The following ZNF467 variants were observed in gnomAD, a reference collection of about 807,000 sequenced individuals.
ZNF467 encodes the protein zinc finger protein EZI.
In ZNF467, 51 loss-of-function variants were observed where a neutral mutation model predicts 47.8. That is an observed-to-expected ratio of 1.07 (90% CI 0.85 to 1.35). The LOEUF (loss-of-function observed/expected upper bound fraction) is 1.35, where lower values mean the gene tolerates loss of function less well. Among genes scored for constraint, ZNF467 ranks in the 40% most tolerant of loss-of-function variants. The pLI is 0.00. For missense variants in ZNF467, 992 were observed against 858.1 expected (o/e 1.16, Z -1.95); for synonymous variants, 416 against 372.9 (o/e 1.12, Z -1.33).
Position 149,765,907 on chromosome 7 carries a change from G to C in ZNF467, c.595C>G (p.Gln199Glu). 1.3e-6 allele frequency: 2 copies of C among 1,566,060 alleles called. No individual in the cohort carries two copies. Among genetic ancestry groups the C allele is most frequent in the Non-Finnish European group, 1.7e-6 (2 of 1,156,482 alleles). ...ACPDCGRSFT[Q>E]RAHMLLHQRS... The stretch of plus-strand genomic sequence containing the variant: ...TGATGCAGTAGCATGTGGGCGCGCT[G>C]CGTGAAGCTGCGGCCGCAGTCCGGG... Residue 199 changes from glutamine (Q) to glutamate (E), a missense_variant, in exon 5 of 5, where the codon CAG becomes GAG. Coordinates refer to ENST00000302017, the MANE Select transcript of ZNF467 (RefSeq NM_207336.3).
chr7:149,764,800 C>A lies in ZNF467; in HGVS notation c.1702G>T (p.Ala568Ser). The A allele has an allele frequency of 2.6e-6, 4 of 1,527,080 alleles. No homozygotes were observed. The highest frequency in any genetic ancestry group is 3.5e-6 in the Non-Finnish European group (4 of 1,138,604). 94.6% of individuals were successfully genotyped at this position (1,527,080 alleles called of 1,614,324 possible). A position where few individuals can be genotyped will look rare whatever the true frequency, so the allele number is the denominator to read the frequency against. ...GCGGCGTCCGGGGCCGCGTGGGCGG[C>A]TTCGCCGTGAATGAGCTGGTGCCGC... ...LVRHQLIHGEAAHAAPDAALA... is the reference protein window; with the variant it reads ...LVRHQLIHGESAHAAPDAALA... Residue 568 changes from alanine to serine, a missense_variant, in exon 5 of 5, where the codon GCC becomes TCC. Transcript: ENST00000302017.
chr7:149,775,681 T>G (rs992636071), upstream of ZNF467, among the ~76,000 whole-genome samples: 2 of 150,022 alleles, frequency 1.3e-5, no homozygotes, highest in Non-Finnish European at 3.0e-5. Flanking sequence ...CCATGTTAAT[T>G]TGTGGTAGTG....
At chr7:149,775,723 AC>A (rs1443011803), upstream of ZNF467, among the ~76,000 whole-genome samples, 6 of 109,802 alleles carry the variant, frequency 5.5e-5, no homozygotes, top group Admixed American at 7.9e-5. Context: ...ACACACACAC[AC>A]ACACACACAC....
upstream of ZNF467, among the ~76,000 whole-genome samples, chr7:149,773,831 T>A (rs1014811360): frequency 6.6e-6 from 1 of 151,980 alleles, no homozygotes; most frequent in Non-Finnish European, 1.5e-5. Flanking sequence ...TCCACCCGGA[T>A]TCCACCCCGA....
intron 4 of ZNF467, among the ~76,000 whole-genome samples, chr7:149,767,028 T>C (rs1282415060): frequency 6.6e-6 from 1 of 152,232 alleles, no homozygotes; most frequent in African/African-American, 2.4e-5. Context: ...GGGATTCCGC[T>C]GGAGTGTTGC....
rs773886076 is a variant in ZNF467 at position 149,765,319 on chromosome 7, C to T, written c.1183G>A (p.Val395Met). The T allele has an allele frequency of 8.1e-6, 12 of 1,482,190 alleles. No homozygotes were observed. The highest frequency in any genetic ancestry group is 2.2e-4 in the Middle Eastern group (1 of 4,478). The allele number at this position is 1,482,190 out of a possible 1,614,324, so 91.8% of individuals were successfully genotyped here. ...AGGGGCTTGGCGGCGGGGGCATCCA[C>T]GGTGGCGCCCAGTGCGCACTCATCG... ...GCDECALGAT[V>M]DAPAAKPLAS... is the part of the protein sequence containing the mutation. The change falls in exon 5 of 5, where the codon GTG becomes ATG. Residue 395 changes from valine (V) to methionine (M), a missense_variant. Transcript: ENST00000302017.
rs542739668 is a variant in ZNF467, at chr7:149,769,833, AC to A, written c.151+606del. ...GTAGCTGGGAACACAGGCATGAGCC[AC>A]CACATCCAGCTAACTTTTAATTTTT... is the stretch of plus-strand genomic sequence containing the variant. On this transcript the variant is annotated intron_variant, in intron 3 of 4. Transcript: ENST00000302017. The surrounding 1 kb of genome is among the most constrained non-coding windows in gnomAD (Gnocchi z 5.3). 3.7e-3 allele frequency among the ~76,000 whole-genome samples: 568 copies of A among 152,308 alleles called. 3 individuals carry two copies. Among genetic ancestry groups the A allele is most frequent in the Middle Eastern group, 6.8e-3 (2 of 294 alleles).
In ZNF467 at chr7:149,765,376, G is replaced by A. The variant is rs1282421600; in HGVS notation, c.1126C>T (p.Leu376=). ...AAGGGGCGACCCTCGCTGCGGTGCA[G>A]ACACTGGTGCGTGGCGAGGTTCTTT... ...WKKNLATHQC[L]HRSEGRPFGC... Residue 376 remains leucine (L), a synonymous_variant, in exon 5 of 5, where the codon CTG becomes TTG. Coordinates refer to ENST00000302017, the MANE Select transcript of ZNF467 (RefSeq NM_207336.3). 4 of 1,563,294 alleles carry A rather than the reference G, an allele frequency of 2.6e-6. No homozygotes were observed. Among genetic ancestry groups the A allele is most frequent in the Non-Finnish European group, 3.5e-6 (4 of 1,154,652 alleles).
chr7:149,774,960 C>A (rs569875721), upstream of ZNF467, among the ~76,000 whole-genome samples: 3 of 152,100 alleles, frequency 2.0e-5, no homozygotes, highest in East Asian at 1.9e-4. The surrounding 1 kb of genome is among the most constrained non-coding windows in gnomAD (Gnocchi z 5.7). Context: ...TTTAGGAGAC[C>A]GAGGGGTGTG....
chr7:149,764,311 G>GTAT lies in ZNF467; in HGVS notation c.*402_*403insATA. ...GTGTGTGGATGGAGGTGGGACAGTGGCTAAGGAGAGTCAGGTGTTCCCTCC... is the reference window on the plus strand; with the variant it reads ...GTGTGTGGATGGAGGTGGGACAGTGGTATCTAAGGAGAGTCAGGTGTTCCCTCC... On this transcript the variant is annotated 3_prime_UTR_variant, in exon 5 of 5. Transcript: ENST00000302017. 2.2e-6 allele frequency: 1 copy of GTAT among 458,716 alleles called. No homozygotes were observed. The highest frequency in any genetic ancestry group is 4.1e-5 in the Admixed American group (1 of 24,520). The allele number at this position is 458,716 out of a possible 1,614,324, so 28.4% of individuals were successfully genotyped here.
At chr7:149,776,071 G>A, upstream of ZNF467, 1 of 1,365,412 alleles carries the variant, frequency 7.3e-7, no homozygotes, top group Non-Finnish European at 9.8e-7. Flanking sequence ...TCTTTGGGAT[G>A]GCGTGGGCCC....
In ZNF467 at chr7:149,764,618, G is replaced by C. The variant is rs1369398496; in HGVS notation, c.*96C>G. Reference sequence around the variant, plus strand: ...GGTGTCCCGCGGCGGCCAAACCTTCGGGCAGCAGCCCAGGTCGCCTTGCTC... The same window carrying C: ...GGTGTCCCGCGGCGGCCAAACCTTCCGGCAGCAGCCCAGGTCGCCTTGCTC... On this transcript the variant is annotated 3_prime_UTR_variant, in exon 5 of 5. Coordinates refer to ENST00000302017, the MANE Select transcript of ZNF467 (RefSeq NM_207336.3). 7 of 1,548,634 alleles carry C rather than the reference G, an allele frequency of 4.5e-6. No homozygotes were observed. Among genetic ancestry groups the C allele is most frequent in the African/African-American group, 2.7e-5 (2 of 73,122 alleles).
chr7:149,766,892 C>G lies in ZNF467; in HGVS notation c.263-653G>C, dbSNP rs117080876. Among the ~76,000 whole-genome samples the G allele has an allele frequency of 3.1e-3, 473 of 152,334 alleles. 1 individual carries two copies. Among genetic ancestry groups the G allele is most frequent in the African/African-American group, 0.011 (453 of 41,566 alleles). On this transcript the variant is annotated intron_variant, in intron 4 of 4. Transcript: ENST00000302017. ...ACTCCCTTCTTTCCTGCTGGACAGC[C>G]TGAGGAGAAGTCCCATTTAGGAAGA...
chr7:149,768,978 G>T, intron 4 of ZNF467, 112 bp downstream of exon 4: 2 of 927,026 alleles, frequency 2.2e-6, no homozygotes, highest in Non-Finnish European at 1.6e-6. Flanking sequence ...GAAGGGCCTG[G>T]ACTGCCTGTC....
chr7:149,771,683 C>A (rs1286789963), intron 1 of ZNF467, among the ~76,000 whole-genome samples: 1 of 151,812 alleles, frequency 6.6e-6, no homozygotes, highest in Non-Finnish European at 1.5e-5. Context: ...GCTGCCCCTT[C>A]CCTGCTCCGC....
Position 149,764,432 on chromosome 7 carries a change from G to T in ZNF467, c.*282C>A, listed in dbSNP as rs1799072588. On this transcript the variant is annotated 3_prime_UTR_variant, in exon 5 of 5. Transcript: ENST00000302017. ...ACTCTTTCCTGCCCTGGTTGAGGCC[G>T]CGCTGGGTCCGGGAAATATCTGCTT... is the stretch of plus-strand genomic sequence containing the variant. 9 of 614,026 alleles carry T rather than the reference G, an allele frequency of 1.5e-5. No individual in the cohort carries two copies. The highest frequency in any genetic ancestry group is 2.3e-5 in the Non-Finnish European group (8 of 342,860). The allele number at this position is 614,026 out of a possible 1,614,324, so 38.0% of individuals were successfully genotyped here.
At position 149,765,682 on chromosome 7, in the gene ZNF467, A is replaced by G; in HGVS notation, c.820T>C (p.Cys274Arg). The change falls in exon 5 of 5, where the codon TGC (cysteine) becomes CGC (arginine). Residue 274 changes from cysteine (C) to arginine (R), a missense_variant. By Grantham distance (180) the Cys-to-Arg change is radical (BLOSUM62 -3). Transcript: ENST00000302017. Reference protein sequence around the residue: ...KTHTGERPFPCTECEKRFRKK... With the variant: ...KTHTGERPFPRTECEKRFRKK... ...CGAAAGCGCTTCTCGCATTCCGTGC[A>G]GGGGAAGGGCCGCTCGCCGGTGTGG... 6.2e-7 allele frequency: 1 copy of G among 1,613,404 alleles called. No homozygotes were observed. The highest frequency in any genetic ancestry group is 8.5e-7 in the Non-Finnish European group (1 of 1,179,844).
rs1585939723 is a variant in ZNF467 at position 149,764,916 on chromosome 7, T to A, written c.1586A>T (p.Asn529Ile). 1.3e-6 allele frequency: 2 copies of A among 1,569,930 alleles called. No homozygotes were observed. Among genetic ancestry groups the A allele is most frequent in the South Asian group, 1.1e-5 (1 of 87,696 alleles). ...GTGGATCGCCTGGTGGCGGACTAGG[T>A]TGGTTTTGGAGCTGAAGCTGCGGGC... ...VCARSFSSKT[N>I]LVRHQAIHTG... The change falls in exon 5 of 5, where the codon AAC (asparagine) becomes ATC (isoleucine). Residue 529 changes from asparagine (N) to isoleucine (I), a missense_variant. Asn to Ile is a moderately radical substitution (Grantham distance 149, BLOSUM62 -3). Coordinates refer to ENST00000302017, the MANE Select transcript of ZNF467 (RefSeq NM_207336.3).
intron 4 of ZNF467, among the ~76,000 whole-genome samples, chr7:149,768,817 G>A (rs1799298468): frequency 6.6e-6 from 1 of 152,196 alleles, no homozygotes; most frequent in Non-Finnish European, 1.5e-5. Flanking sequence ...AAGAGGGGGA[G>A]GTAGGATTTC....
Sources: gnomAD v4.1 joint callset for allele counts (sites outside exome capture counted in the v4.1 genomes callset) on GRCh38, gnomAD v4.1.1 for gene constraint, Gnocchi (gnomAD v3.1) non-coding constraint, MANE v1.5 for transcripts, NCBI Gene and HGNC (gene_info 2026-07-23, HGNC 2026-07-21) for gene names.